The following CBLB variants were observed in gnomAD, a reference collection of about 807,000 sequenced individuals.
CBLB encodes Cbl proto-oncogene B.
CBLB carries 31 observed loss-of-function variants against 104.9 expected under a neutral mutation model. The ratio of observed to expected loss-of-function variants is 0.30; its 90% confidence interval spans 0.22 to 0.40. The LOEUF (loss-of-function observed/expected upper bound fraction) is 0.40. CBLB is among the 10% of genes least tolerant of loss of function. The pLI, the probability that CBLB is intolerant of heterozygous loss-of-function variation, is 1.00. For synonymous variants in CBLB, 440 were observed against 422.6 expected (o/e 1.04, Z -0.51); for missense variants, 1,062 against 1,214.6 (o/e 0.87, Z 1.87).
intron 10 of CBLB, among the ~76,000 whole-genome samples, chr3:105,709,624 T>TG: frequency 6.6e-6 from 1 of 152,092 alleles, no homozygotes; most frequent in East Asian, 1.9e-4. Context: ...TATGCATATA[T>TG]GGATTTACAA....
chr3:105,738,842 C>T (rs1472028915), intron 7 of CBLB, among the ~76,000 whole-genome samples: 1 of 152,206 alleles, frequency 6.6e-6, no homozygotes, highest in East Asian at 1.9e-4. Flanking sequence ...GAGAAATACA[C>T]ATTTGGTACC....
chr3:105,787,929 C>T (rs149920487), intron 3 of CBLB, among the ~76,000 whole-genome samples: 2 of 152,168 alleles, frequency 1.3e-5, no homozygotes, highest in East Asian at 3.9e-4. Flanking sequence ...ATCTGTGTTT[C>T]ATGTTAATGA....
intron 2 of CBLB, among the ~76,000 whole-genome samples, chr3:105,866,956 T>A (rs1313069995): frequency 6.6e-6 from 1 of 152,274 alleles, no homozygotes; most frequent in African/African-American, 2.4e-5. Context: ...CCTCAACTAC[T>A]GCTTCTTCAC....
chr3:105,826,431 C>T lies in CBLB; in HGVS notation c.419+26983G>A, dbSNP rs142236640. 2.9e-3 allele frequency among the ~76,000 whole-genome samples: 445 copies of T among 152,278 alleles called. 1 individual carries two copies. The highest frequency in any genetic ancestry group is 5.4e-3 in the Non-Finnish European group (364 of 68,014). On this transcript the variant is annotated intron_variant, in intron 3 of 18. Coordinates refer to ENST00000394030, the MANE Select transcript of CBLB (RefSeq NM_170662.5). ...CCAACAAATTTCTTACTCCACTCTC[C>T]AGTCTTTGCCGTCAGACAAACTATA...
At chr3:105,784,707 C>T (rs372028740) in intron 3 of CBLB, among the ~76,000 whole-genome samples, 8 of 152,106 alleles carry the variant, frequency 5.3e-5, no homozygotes, top group African/African-American at 1.9e-4. Flanking sequence ...TACCCCAAAC[C>T]CAGCAGGAAA....
intron 3 of CBLB, among the ~76,000 whole-genome samples, chr3:105,793,750 A>C (rs1478351629): frequency 2.6e-5 from 4 of 152,240 alleles, no homozygotes; most frequent in African/African-American, 9.6e-5. Context: ...AGCAACTCTC[A>C]GGAAAATCCG....
intron 12 of CBLB, among the ~76,000 whole-genome samples, chr3:105,694,348 C>T (rs1469474564): frequency 2.6e-5 from 4 of 151,694 alleles, no homozygotes; most frequent in African/African-American, 4.8e-5. Context: ...TAAAGGGGGG[C>T]GGTTATGAGA....
chr3:105,832,758 T>C (rs775697816), intron 3 of CBLB, among the ~76,000 whole-genome samples: 6 of 152,226 alleles, frequency 3.9e-5, no homozygotes, highest in Non-Finnish European at 7.3e-5. Flanking sequence ...GATGAGTGCA[T>C]TATCTATCCT....
chr3:105,700,428 C>A (rs2068930009), intron 12 of CBLB, among the ~76,000 whole-genome samples: 1 of 151,644 alleles, frequency 6.6e-6, no homozygotes, highest in African/African-American at 2.4e-5. Flanking sequence ...AACACTCTTC[C>A]CAAGACAAGT....
intron 12 of CBLB, among the ~76,000 whole-genome samples, chr3:105,697,665 C>T (rs2068555147): frequency 1.3e-5 from 2 of 151,900 alleles, no homozygotes; most frequent in African/African-American, 4.8e-5. Flanking sequence ...ACCAAAAGTA[C>T]AACAAGCCAC....
In CBLB at chr3:105,670,370, G is replaced by T. The variant is rs1224857352; in HGVS notation, c.2570-18C>A. ...AAAGGGATCTTAAAAATAAAAACAA[G>T]TTTCAAATTAAAAGGATGATCTCTG... On this transcript the variant is annotated intron_variant, in intron 17 of 18. Transcript: ENST00000394030. The T allele has an allele frequency of 1.2e-6, 2 of 1,604,116 alleles. No homozygotes were observed. The highest frequency in any genetic ancestry group is 1.7e-6 in the Non-Finnish European group (2 of 1,172,246).
At position 105,719,969 on chromosome 3, in the gene CBLB, C is replaced by A. The variant is rs756513791; in HGVS notation, c.1407+78G>T. 2.8e-6 allele frequency: 3 copies of A among 1,086,512 alleles called. No homozygotes were observed. In the South Asian group the frequency reaches 3.8e-5, roughly 14 times the overall value. The allele number at this position is 1,086,512 out of a possible 1,614,324, so 67.3% of individuals were successfully genotyped here. A position where few individuals can be genotyped will look rare whatever the true frequency, so the allele number is the denominator to read the frequency against. On this transcript the variant is annotated intron_variant, in intron 10 of 18. Transcript: ENST00000394030. ...TTTTCTAAACTCAAATACGCTGAGT[C>A]ATACTCCATTTATGACGGCATCATT...
intron 3 of CBLB, among the ~76,000 whole-genome samples, chr3:105,790,106 C>T (rs1407195288): frequency 6.6e-6 from 1 of 152,098 alleles, no homozygotes; most frequent in Non-Finnish European, 1.5e-5. Flanking sequence ...CATTATTTCT[C>T]TCTGAAGATA....
chr3:105,667,467 T>C (rs879910176), intron 18 of CBLB, among the ~76,000 whole-genome samples: 1 of 152,146 alleles, frequency 6.6e-6, no homozygotes, highest in Non-Finnish European at 1.5e-5. Flanking sequence ...CTAGCAAAAA[T>C]GTTTGTCCTA....
chr3:105,859,183 C>T (rs2091885856), intron 2 of CBLB, among the ~76,000 whole-genome samples: 1 of 152,088 alleles, frequency 6.6e-6, no homozygotes, highest in Non-Finnish European at 1.5e-5. Flanking sequence ...TTCAAACCAG[C>T]CTGTGAAACA....
chr3:105,846,373 C>A (rs1027030084), intron 3 of CBLB, among the ~76,000 whole-genome samples: 1 of 151,742 alleles, frequency 6.6e-6, no homozygotes, highest in Admixed American at 6.6e-5. Flanking sequence ...CATAGATATC[C>A]AATATAGTAT....
At chr3:105,813,432 A>T (rs1038675467) in intron 3 of CBLB, among the ~76,000 whole-genome samples, 5 of 152,236 alleles carry the variant, frequency 3.3e-5, no homozygotes, top group Admixed American at 1.3e-4. Flanking sequence ...TTATATGTAT[A>T]ATTTTTATGC....
chr3:105,857,919 T>C (rs139820593), intron 2 of CBLB, among the ~76,000 whole-genome samples: 92 of 152,184 alleles, frequency 6.0e-4, no homozygotes, highest in African/African-American at 2.2e-3. Flanking sequence ...AGCTCACTCA[T>C]CTCCACATAA....
At chr3:105,721,551 C>T (rs773851414) in intron 9 of CBLB, among the ~76,000 whole-genome samples, 5 of 152,056 alleles carry the variant, frequency 3.3e-5, no homozygotes, top group Non-Finnish European at 7.4e-5. Context: ...TATTCATCTG[C>T]TTGTACATAA....
Sources: allele counts gnomAD v4.1 joint callset (sites outside exome capture counted in the v4.1 genomes callset), GRCh38; gene constraint gnomAD v4.1.1; transcripts MANE v1.5; gene names NCBI Gene and HGNC (gene_info 2026-07-23, HGNC 2026-07-21).